HMGA2: variants seen among roughly 807,000 people sequenced by gnomAD.
HMGA2 encodes the protein high mobility group protein HMGI-C.
In HMGA2, 8 loss-of-function variants were observed where a neutral mutation model predicts 19.1. The ratio of observed to expected loss-of-function variants is 0.42; its 90% CI spans 0.25 to 0.76. The LOEUF is 0.76. HMGA2 is among the 30% of genes least tolerant of loss of function. The pLI is 0.28. For synonymous variants in HMGA2, 60 were observed against 48.8 expected, an observed-to-expected ratio of 1.23 and a Z score of -0.96; for missense variants, 109 against 136.3, an observed-to-expected ratio of 0.80 and a Z score of 1.00.
intron 3 of HMGA2, among the ~76,000 whole-genome samples, chr12:65,873,207 T>C (rs1033250934): frequency 1.8e-4 from 27 of 152,374 alleles, no homozygotes; most frequent in Admixed American, 1.4e-3. Context: ...TCTATCTTTG[T>C]ATTTTCAATA....
At chr12:65,951,541 C>T (rs1876461238) in intron 4 of HMGA2, 126 bp downstream of exon 4, 2 of 680,610 alleles carry the variant, frequency 2.9e-6, no homozygotes, top group African/African-American at 3.6e-5. Flanking sequence ...TGCAGTATTC[C>T]TGAAAATGTG....
chr12:65,901,565 A>C (rs531671930), intron 3 of HMGA2, among the ~76,000 whole-genome samples: 1 of 152,376 alleles, frequency 6.6e-6, no homozygotes, highest in East Asian at 1.9e-4. Context: ...TGAATTTTGC[A>C]AGAAATAGCA....
chr12:65,963,179 G>A, intron 4 of HMGA2, 66 bp from the exon 5 acceptor site: 4 of 1,495,782 alleles, frequency 2.7e-6, no homozygotes, highest in Non-Finnish European at 9.3e-7. Flanking sequence ...CCTCTGCACT[G>A]TTGGCAAGAG....
intron 3 of HMGA2, among the ~76,000 whole-genome samples, chr12:65,905,466 T>C (rs999219665): frequency 6.6e-6 from 1 of 152,196 alleles, no homozygotes; most frequent in Non-Finnish European, 1.5e-5. Context: ...ATTCAAATAT[T>C]TTGATTGTTC....
At chr12:65,867,582 A>G (rs1298753789) in intron 3 of HMGA2, 2 of 408,932 alleles carry the variant, frequency 4.9e-6, no homozygotes, top group East Asian at 7.1e-5. Flanking sequence ...CTGAGCACAC[A>G]TGAATCAACT....
chr12:65,957,616 C>A (rs1202292174), intron 4 of HMGA2: 1 of 152,164 alleles, frequency 6.6e-6, no homozygotes, highest in Non-Finnish European at 1.5e-5. Flanking sequence ...AACCGGTAGT[C>A]CTCAGAAATC....
chr12:65,897,742 C>T (rs1346782222), intron 3 of HMGA2, among the ~76,000 whole-genome samples: 1 of 152,118 alleles, frequency 6.6e-6, no homozygotes, highest in East Asian at 1.9e-4. Context: ...GGCAGATCAC[C>T]TGAGGTCAGG....
chr12:65,913,043 G>A (rs1874911842), intron 3 of HMGA2, among the ~76,000 whole-genome samples: 1 of 152,168 alleles, frequency 6.6e-6, no homozygotes, highest in South Asian at 2.1e-4. Context: ...CTTCAGAGGA[G>A]ATGTGGTAGG....
intron 3 of HMGA2, among the ~76,000 whole-genome samples, chr12:65,839,022 T>C (rs1173165186): frequency 6.8e-6 from 1 of 147,132 alleles, no homozygotes; most frequent in Non-Finnish European, 1.5e-5. Flanking sequence ...GTTTTCTCCA[T>C]GGCTTTTGTT....
At chr12:65,882,573 T>C (rs1873474531) in intron 3 of HMGA2, among the ~76,000 whole-genome samples, 1 of 152,222 alleles carries the variant, frequency 6.6e-6, no homozygotes, top group Non-Finnish European at 1.5e-5. Context: ...CACTGCTGTT[T>C]GGTTTTAATC....
intron 3 of HMGA2, among the ~76,000 whole-genome samples, chr12:65,897,520 A>T (rs1451847447): frequency 2.0e-5 from 3 of 152,206 alleles, no homozygotes; most frequent in Non-Finnish European, 4.4e-5. Flanking sequence ...GTTCCATCTG[A>T]ATACTGGGGC....
At chr12:65,872,719 T>G (rs1872772045) in intron 3 of HMGA2, among the ~76,000 whole-genome samples, 1 of 152,242 alleles carries the variant, frequency 6.6e-6, no homozygotes, top group African/African-American at 2.4e-5. Context: ...CTAGTTTTCC[T>G]GCCGCCTCTA....
intron 2 of HMGA2, chr12:65,828,375 G>GC (rs1241617831): frequency 3.5e-6 from 1 of 284,412 alleles, no homozygotes; most frequent in South Asian, 4.8e-5. Context: ...GGGGTTGCGG[G>GC]GGGGGCGGGA....
In HMGA2 at chr12:65,834,756, A is replaced by C. The variant is rs1485269055; in HGVS notation, c.199-3763A>C. On this transcript the variant is annotated intron_variant, in intron 2 of 4. Coordinates refer to ENST00000403681, the MANE Select transcript of HMGA2 (RefSeq NM_003483.6). The stretch of plus-strand genomic sequence containing the variant: ...TTGCTAGTGAATTTCTTTCCTAATT[A>C]GTTTTTAAAATATGCAGTACATTGA... 4.6e-5 allele frequency among the ~76,000 whole-genome samples: 7 copies of C among 152,324 alleles called. No individual in the cohort carries two copies. The East Asian group carries it at 1.4e-3, about 29-fold the overall frequency.
chr12:65,870,521 A>G (rs2121034111), intron 3 of HMGA2, among the ~76,000 whole-genome samples: 1 of 152,126 alleles, frequency 6.6e-6, no homozygotes, highest in African/African-American at 2.4e-5. Flanking sequence ...ACCTTAGGTC[A>G]GGAGTTCGAG....
intron 3 of HMGA2, among the ~76,000 whole-genome samples, chr12:65,847,945 G>T (rs555345845): frequency 6.6e-6 from 1 of 152,264 alleles, no homozygotes; most frequent in South Asian, 2.1e-4. Context: ...CCAAACTAAT[G>T]ATTTGTATTT....
At chr12:65,925,474 G>A (rs1037864187) in intron 3 of HMGA2, among the ~76,000 whole-genome samples, 7 of 152,196 alleles carry the variant, frequency 4.6e-5, no homozygotes, top group African/African-American at 1.7e-4. Context: ...GGACACCAGA[G>A]TTCCGATTCT....
intron 3 of HMGA2, among the ~76,000 whole-genome samples, chr12:65,909,180 A>T (rs1376345419): frequency 6.6e-6 from 1 of 152,230 alleles, no homozygotes; most frequent in East Asian, 1.9e-4. Flanking sequence ...TACTGTTTGT[A>T]TGTAAGTCCC....
intron 4 of HMGA2, among the ~76,000 whole-genome samples, chr12:65,962,815 A>G (rs1876789416): frequency 6.6e-6 from 1 of 152,158 alleles, no homozygotes; most frequent in South Asian, 2.1e-4. Context: ...CAGTATCTGG[A>G]GGGTGGGTTC....
Sources: allele counts gnomAD v4.1 joint callset (sites outside exome capture counted in the v4.1 genomes callset), GRCh38; gene constraint gnomAD v4.1.1; transcripts MANE v1.5; gene names NCBI Gene and HGNC (gene_info 2026-07-23, HGNC 2026-07-21).